The following RPS6KA5 variants were observed in gnomAD, a reference collection of about 807,000 sequenced individuals.
RPS6KA5 encodes the protein ribosomal protein S6 kinase alpha-5.
A neutral mutation model predicts 85.5 loss-of-function variants in RPS6KA5; 27 were observed. The ratio of observed to expected loss-of-function variants is 0.32; its 90% CI spans 0.23 to 0.44. RPS6KA5 has a LOEUF of 0.44. RPS6KA5 is among the 20% of genes least tolerant of loss of function. The pLI, the probability that RPS6KA5 is intolerant of heterozygous loss-of-function variation, is 1.00. For synonymous variants in RPS6KA5, 334 were observed against 348.2 expected (o/e 0.96, Z 0.46); for missense variants, 811 against 980.9 (o/e 0.83, Z 2.31).
At chr14:90,880,818 T>C (rs980830751) in intron 14 of RPS6KA5, among the ~76,000 whole-genome samples, 2 of 151,914 alleles carry the variant, frequency 1.3e-5, no homozygotes, top group Non-Finnish European at 2.9e-5. Flanking sequence ...TGACCCTCTT[T>C]GTCTTTTGTA....
intron 2 of RPS6KA5, among the ~76,000 whole-genome samples, chr14:90,983,947 C>A (rs534810371): frequency 2.0e-5 from 3 of 152,108 alleles, no homozygotes; most frequent in South Asian, 2.1e-4. Flanking sequence ...TGGGTTCAAG[C>A]GATTCTCCCA....
chr14:91,044,400 A>G (rs541926697), intron 1 of RPS6KA5, among the ~76,000 whole-genome samples: 3 of 125,672 alleles, frequency 2.4e-5, no homozygotes, highest in Non-Finnish European at 5.2e-5. Context: ...AAGGAAAGAA[A>G]GAAAGAAAGA....
At chr14:90,881,763 A>T (rs986771851) in intron 14 of RPS6KA5, among the ~76,000 whole-genome samples, 4 of 151,726 alleles carry the variant, frequency 2.6e-5, no homozygotes, top group African/African-American at 4.8e-5. Context: ...GGCCTCCCAA[A>T]GTGCTGGGAT....
chr14:90,969,704 T>TA (rs2039233984), intron 3 of RPS6KA5, among the ~76,000 whole-genome samples: 1 of 152,220 alleles, frequency 6.6e-6, no homozygotes, highest in Admixed American at 6.5e-5. Flanking sequence ...TTTCCAGTAA[T>TA]ACTCTGGCTG....
At chr14:90,983,151 C>A (rs1186184580) in intron 2 of RPS6KA5, among the ~76,000 whole-genome samples, 2 of 151,090 alleles carry the variant, frequency 1.3e-5, no homozygotes, top group Non-Finnish European at 1.5e-5. Flanking sequence ...GTGGCGGGTG[C>A]CTGGAATCCC....
intron 5 of RPS6KA5, among the ~76,000 whole-genome samples, chr14:90,929,953 C>T (rs1340434524): frequency 6.6e-6 from 1 of 152,168 alleles, no homozygotes; most frequent in Non-Finnish European, 1.5e-5. Flanking sequence ...TCACTGCAAC[C>T]TCAAATTCCT....
chr14:91,002,633 A>G (rs1480921584), intron 1 of RPS6KA5, among the ~76,000 whole-genome samples: 3 of 152,194 alleles, frequency 2.0e-5, no homozygotes, highest in South Asian at 2.1e-4. Context: ...AACTAAACTC[A>G]TAATTTAAAA....
chr14:91,030,611 G>GAAAAAAAAAAAAAAAAAAAAAA lies in RPS6KA5; in HGVS notation c.104-29474_104-29453dup, dbSNP rs58737573. On this transcript the variant is annotated intron_variant, in intron 1 of 16. Transcript: ENST00000614987. ...AACATGCAAGACACCAAAATAAACAGAAAAAAAAAAAAAAAAAAAAAAAAA... is the reference window on the plus strand; with the variant it reads ...AACATGCAAGACACCAAAATAAACAGAAAAAAAAAAAAAAAAAAAAAAAAAAAAAAAAAAAAAAAAAAAAAAA... Among the ~76,000 whole-genome samples the GAAAAAAAAAAAAAAAAAAAAAA allele has an allele frequency of 1.0e-3, 22 of 22,072 alleles. 2 individuals carry two copies. Among genetic ancestry groups the GAAAAAAAAAAAAAAAAAAAAAA allele is most frequent in the Admixed American group, 2.5e-3 (3 of 1,180 alleles). 14.5% of individuals were successfully genotyped at this position (22,072 alleles called of 152,430 possible).
In RPS6KA5 at chr14:90,872,107, C is replaced by T. The variant is rs2033149748; in HGVS notation, c.2376G>A (p.Glu792=). The change falls in exon 17 of 17, where the codon GAG becomes GAA. Residue 792 remains glutamate (E), a synonymous_variant. Transcript: ENST00000614987. ...CTGAGTCCGAGAACTGGAAGAGGGT[C>T]TCCGGGTTATTGCTGTCGGCAGGAT... The part of the protein sequence containing the change: ...PSNPADSNNP[E]TLFQFSDSVA The T allele has an allele frequency of 6.2e-7, 1 of 1,613,516 alleles. No individual in the cohort carries two copies. The highest frequency in any genetic ancestry group is 8.5e-7 in the Non-Finnish European group (1 of 1,179,818).
At chr14:90,980,693 T>G (rs966831898) in intron 2 of RPS6KA5, among the ~76,000 whole-genome samples, 3 of 152,246 alleles carry the variant, frequency 2.0e-5, no homozygotes, top group African/African-American at 7.2e-5. Context: ...CAGTCTTACC[T>G]GTGGTCTACC....
intron 7 of RPS6KA5, among the ~76,000 whole-genome samples, chr14:90,915,292 G>A (rs2036055224): frequency 6.6e-6 from 1 of 152,154 alleles, no homozygotes; most frequent in Non-Finnish European, 1.5e-5. Flanking sequence ...TTACCTGTGG[G>A]TTGGACCTAG....
chr14:90,894,766 A>G (rs907129735), intron 12 of RPS6KA5, among the ~76,000 whole-genome samples, 183 bp from the exon 13 acceptor site: 1 of 152,176 alleles, frequency 6.6e-6, no homozygotes, highest in Admixed American at 6.5e-5. Flanking sequence ...TTATAATTCT[A>G]TTTTGGTAAT....
chr14:90,879,463 G>A (rs2033685703), intron 14 of RPS6KA5, among the ~76,000 whole-genome samples: 1 of 152,058 alleles, frequency 6.6e-6, no homozygotes, highest in Non-Finnish European at 1.5e-5. Flanking sequence ...TTGTGGGGTC[G>A]GGGTGCTGTC....
chr14:90,992,013 T>C, intron 2 of RPS6KA5, among the ~76,000 whole-genome samples: 2 of 152,160 alleles, frequency 1.3e-5, no homozygotes. Context: ...CAGAAGAGTT[T>C]TCAGTTTCAT....
chr14:90,904,731 T>C (rs1017683628), intron 8 of RPS6KA5, among the ~76,000 whole-genome samples: 1 of 152,196 alleles, frequency 6.6e-6, no homozygotes, highest in African/African-American at 2.4e-5. Flanking sequence ...AAAAAGGCCA[T>C]TTAGGCCTTT....
At chr14:91,010,152 GTTTACTAAAC>G (rs2041197943) in intron 1 of RPS6KA5, among the ~76,000 whole-genome samples, 2 of 151,776 alleles carry the variant, frequency 1.3e-5, no homozygotes, top group South Asian at 4.1e-4. Context: ...ATTTTTGAAA[GTTTACTAAAC>G]TTTACTAAAT....
At chr14:90,990,296 A>G (rs974801869) in intron 2 of RPS6KA5, among the ~76,000 whole-genome samples, 8 of 152,244 alleles carry the variant, frequency 5.3e-5, no homozygotes, top group African/African-American at 1.9e-4. Context: ...ATCACTAATC[A>G]TCAGAGAAAC....
chr14:90,922,116 A>T (rs1451178263), intron 6 of RPS6KA5, among the ~76,000 whole-genome samples: 3 of 152,178 alleles, frequency 2.0e-5, no homozygotes, highest in Non-Finnish European at 4.4e-5. Flanking sequence ...AGGGTTGTTA[A>T]AATATTTATT....
At chr14:91,007,800 T>C (rs2041090805) in intron 1 of RPS6KA5, among the ~76,000 whole-genome samples, 1 of 152,142 alleles carries the variant, frequency 6.6e-6, no homozygotes, top group Non-Finnish European at 1.5e-5. Flanking sequence ...AAAGGAAAAT[T>C]GTCTTTTCCT....
Sources: gnomAD v4.1 joint callset for allele counts (sites outside exome capture counted in the v4.1 genomes callset) on GRCh38, gnomAD v4.1.1 for gene constraint, MANE v1.5 for transcripts, NCBI Gene and HGNC (gene_info 2026-07-23, HGNC 2026-07-21) for gene names.